The following TULP4 variants were observed in gnomAD, a reference collection of about 807,000 sequenced individuals.
TULP4 encodes tubby-related protein 4.
TULP4 carries 16 observed loss-of-function variants against 129.0 expected under a neutral mutation model. The ratio of observed to expected loss-of-function variants is 0.12; its 90% CI spans 0.08 to 0.19. TULP4 has a LOEUF of 0.19. TULP4 is among the 10% of genes least tolerant of loss of function. The pLI, the probability that TULP4 is intolerant of heterozygous loss-of-function variation, is 1.00. For synonymous variants in TULP4, 998 were observed against 854.0 expected, an observed-to-expected ratio of 1.17 and a Z score of -2.94; for missense variants, 1,842 against 2,059.1, an observed-to-expected ratio of 0.89 and a Z score of 2.04.
At chr6:158,321,702 A>G (rs1779637940) in intron 1 of TULP4, among the ~76,000 whole-genome samples, 1 of 152,196 alleles carries the variant, frequency 6.6e-6, no homozygotes. Context: ...CTTCCAGATA[A>G]TATCTGAAAC....
At chr6:158,385,830 A>C (rs1777430368) in intron 1 of TULP4, among the ~76,000 whole-genome samples, 1 of 72,728 alleles carries the variant, frequency 1.4e-5, no homozygotes, top group Admixed American at 1.3e-4. Context: ...AAAGTCTACA[A>C]ATGTGGAATA....
chr6:158,498,564 G>C, intron 11 of TULP4, 105 bp from the exon 12 acceptor site: 1 of 1,416,938 alleles, frequency 7.1e-7, no homozygotes, highest in Non-Finnish European at 9.8e-7. Context: ...TCTGTCTTCT[G>C]ATGGCAGGGA....
chr6:158,502,414 C>T lies in TULP4; in HGVS notation c.2751C>T (p.Pro917=), dbSNP rs61743868. The part of the protein sequence containing the change: ...MLCSQNTYTL[P]GPGSSATLRL... ...GCTCCCAGAACACGTACACCCTCCC[C>T]GGCCCGGGTAGCTCTGCCACCTTGA... The change falls in exon 13 of 14, where the codon CCC becomes CCT. Residue 917 remains proline, a synonymous_variant. Transcript: ENST00000367097. The T allele has an allele frequency of 6.1e-4, 986 of 1,613,790 alleles. 6 individuals are homozygous for T. Among genetic ancestry groups the T allele is most frequent in the African/African-American group, 5.6e-3 (423 of 75,006 alleles).
At chr6:158,400,497 C>G (rs1028260420) in intron 1 of TULP4, among the ~76,000 whole-genome samples, 2 of 102,232 alleles carry the variant, frequency 2.0e-5, no homozygotes, top group African/African-American at 7.5e-5. Flanking sequence ...AAATGGTCAT[C>G]TTGGTCATTT....
intron 5 of TULP4, among the ~76,000 whole-genome samples, 177 bp downstream of exon 5, chr6:158,452,445 A>G (rs1316686927): frequency 6.6e-6 from 1 of 152,218 alleles, no homozygotes; most frequent in Admixed American, 6.5e-5. Flanking sequence ...TTATCTGATA[A>G]GTCCATACCT....
intron 1 of TULP4, among the ~76,000 whole-genome samples, chr6:158,388,046 C>A (rs144880394): frequency 6.6e-6 from 1 of 152,246 alleles, no homozygotes; most frequent in African/African-American, 2.4e-5. Flanking sequence ...CTAATCAGTT[C>A]TACTGTCTTA....
At chr6:158,317,348 GA>G (rs35035654) in intron 1 of TULP4, among the ~76,000 whole-genome samples, 24,649 of 136,304 alleles carry the variant, frequency 0.18, 2,519 homozygotes, top group Middle Eastern at 0.26. Flanking sequence ...CCCCATATGT[GA>G]TGTTCCCCGC....
At chr6:158,340,497 G>A (rs2114750414) in intron 1 of TULP4, among the ~76,000 whole-genome samples, 1 of 152,244 alleles carries the variant, frequency 6.6e-6, no homozygotes, top group East Asian at 1.9e-4. Flanking sequence ...TCCCTCTGGA[G>A]GAAAGGGGTG....
At chr6:158,441,912 C>T (rs1331513925) in intron 3 of TULP4, among the ~76,000 whole-genome samples, 2 of 152,162 alleles carry the variant, frequency 1.3e-5, no homozygotes, top group Admixed American at 6.5e-5. Flanking sequence ...GGCCCATCTC[C>T]CAGGCTTTGT....
intron 1 of TULP4, among the ~76,000 whole-genome samples, chr6:158,327,934 A>G (rs760760815): frequency 3.9e-5 from 6 of 152,156 alleles, no homozygotes; most frequent in Admixed American, 6.5e-5. Flanking sequence ...TTATATAATG[A>G]CCTGGGGGAG....
At chr6:158,393,753 C>T (rs1452778547) in intron 1 of TULP4, among the ~76,000 whole-genome samples, 1 of 152,324 alleles carries the variant, frequency 6.6e-6, no homozygotes, top group Non-Finnish European at 1.5e-5. Flanking sequence ...GCCCAGCCCA[C>T]TAATTCATTT....
At chr6:158,479,669 C>T (rs1320445258) in intron 6 of TULP4, 82 bp from the exon 7 acceptor site, 8 of 1,315,192 alleles carry the variant, frequency 6.1e-6, no homozygotes, top group Non-Finnish European at 8.5e-6. Flanking sequence ...TTTTATTTTG[C>T]TCGAGACAAG....
At position 158,263,863 on chromosome 6, in the gene TULP4, G is replaced by C. The variant is rs555208999; in HGVS notation, n.68+31560G>C. Among the ~76,000 whole-genome samples the C allele has an allele frequency of 1.2e-4, 18 of 152,232 alleles. No individual in the cohort carries two copies. The South Asian group carries it at 3.7e-3, about 32-fold the overall frequency. On this transcript the variant is annotated intron_variant and non_coding_transcript_variant, in intron 1 of 1. Coordinates refer to the TULP4 transcript ENST00000620026. ...GGATCACCTGAGGTCAGGAGTTAGA[G>C]ACCAGCCTGGCCAACATGGTGAAAT...
chr6:158,293,061 C>T (rs1418322482), intron 1 of TULP4, among the ~76,000 whole-genome samples: 1 of 151,540 alleles, frequency 6.6e-6, no homozygotes, highest in Non-Finnish European at 1.5e-5. Flanking sequence ...AAGTAGCTAA[C>T]TTCCACTTTC....
At chr6:158,316,383 A>C (rs979783584) in intron 1 of TULP4, among the ~76,000 whole-genome samples, 7 of 152,204 alleles carry the variant, frequency 4.6e-5, no homozygotes, top group African/African-American at 1.4e-4. Flanking sequence ...TTAATGTATG[A>C]AAGTTTTAGT....
chr6:158,478,802 AT>A (rs990220128), intron 6 of TULP4, among the ~76,000 whole-genome samples: 2 of 151,646 alleles, frequency 1.3e-5, no homozygotes, highest in African/African-American at 2.4e-5. Context: ...TGAGCTTTGG[AT>A]TTTTTTTTAT....
At chr6:158,257,220 GCCAGGAC>G (rs1380733224) in intron 1 of TULP4, among the ~76,000 whole-genome samples, 15 of 151,872 alleles carry the variant, frequency 9.9e-5, no homozygotes, top group Non-Finnish European at 1.9e-4. Context: ...AAAACAAAAA[GCCAGGAC>G]TCTGTTCGTT....
chr6:158,398,553 C>G (rs1777771016), intron 1 of TULP4: 1 of 152,300 alleles, frequency 6.6e-6, no homozygotes, highest in African/African-American at 2.4e-5. Flanking sequence ...ACGATGAAGT[C>G]AGAGGATGCT....
intron 6 of TULP4, among the ~76,000 whole-genome samples, chr6:158,469,731 A>G (rs1779631940): frequency 6.6e-6 from 1 of 151,958 alleles, no homozygotes; most frequent in Non-Finnish European, 1.5e-5. Context: ...AATGGATTTA[A>G]TGTCAAAGGA....
Sources: allele counts gnomAD v4.1 joint callset (sites outside exome capture counted in the v4.1 genomes callset), GRCh38; gene constraint gnomAD v4.1.1; transcripts MANE v1.5; gene names NCBI Gene and HGNC (gene_info 2026-07-23, HGNC 2026-07-21).